Variants in ARHGEF11 observed in about 807,000 individuals in gnomAD.
ARHGEF11 encodes Rho guanine nucleotide exchange factor 11, also known as Rho guanine exchange factor (GEF) 11.
ARHGEF11 carries 55 observed loss-of-function variants against 193.7 expected under a neutral mutation model. The observed-to-expected ratio is 0.28, with a 90% CI of 0.23 to 0.36. The LOEUF (loss-of-function observed/expected upper bound fraction) is 0.36, where lower values mean the gene tolerates loss of function less well. Ranked by LOEUF, ARHGEF11 falls within the 10% of genes least tolerant of loss-of-function variation. The pLI is 1.00. For synonymous variants in ARHGEF11, 693 were observed against 768.0 expected, an observed-to-expected ratio of 0.90 and a Z score of 1.62; for missense variants, 1,723 against 2,005.6, an observed-to-expected ratio of 0.86 and a Z score of 2.69.
At chr1:156,996,662 A>G (rs1481377763) in intron 1 of ARHGEF11, among the ~76,000 whole-genome samples, 1 of 149,774 alleles carries the variant, frequency 6.7e-6, no homozygotes, top group Non-Finnish European at 1.5e-5. Flanking sequence ...AGTCCCAGCT[A>G]CTCGGGAGGC....
chr1:157,023,195 A>C (rs993992132), intron 1 of ARHGEF11, among the ~76,000 whole-genome samples: 6 of 152,250 alleles, frequency 3.9e-5, no homozygotes, highest in African/African-American at 1.2e-4. Context: ...AAAAGTGGAA[A>C]GACAATCCAT....
At chr1:156,971,521 C>A (rs1662480887) in intron 8 of ARHGEF11, among the ~76,000 whole-genome samples, 176 bp downstream of exon 8, 1 of 152,220 alleles carries the variant, frequency 6.6e-6, no homozygotes, top group Non-Finnish European at 1.5e-5. Flanking sequence ...AGTGTCACTA[C>A]AATGCTCAGC....
At chr1:156,970,659 C>T (rs1662371350) in intron 8 of ARHGEF11, among the ~76,000 whole-genome samples, 1 of 152,198 alleles carries the variant, frequency 6.6e-6, no homozygotes, top group South Asian at 2.1e-4. Flanking sequence ...CTCAGACCTT[C>T]AGATTCCAAG....
intron 22 of ARHGEF11, among the ~76,000 whole-genome samples, chr1:156,951,162 C>G (rs1336339491): frequency 6.6e-6 from 1 of 152,224 alleles, no homozygotes; most frequent in Non-Finnish European, 1.5e-5. Context: ...CACATACAGA[C>G]AGGAAACCAC....
chr1:156,954,632 G>A (rs891392238), intron 21 of ARHGEF11, among the ~76,000 whole-genome samples: 2 of 152,212 alleles, frequency 1.3e-5, no homozygotes, highest in African/African-American at 4.8e-5. Context: ...AAGGGGCCTT[G>A]CCCCCTGGAA....
In ARHGEF11 at chr1:156,940,154, C is replaced by T. The variant is rs532547489; in HGVS notation, c.3733+53G>A. 4 of 1,516,566 alleles carry T rather than the reference C, an allele frequency of 2.6e-6. No homozygotes were observed. In the African/African-American group the frequency reaches 5.5e-5, roughly 21 times the overall value. The allele number at this position is 1,516,566 out of a possible 1,614,324, so 93.9% of individuals were successfully genotyped here. On this transcript the variant is annotated intron_variant, in intron 36 of 40. Coordinates refer to ENST00000368194, the MANE Select transcript of ARHGEF11 (RefSeq NM_198236.3). ...GGGTGCAGGCGCCTGCCAGTTCACA[C>T]TGGGTGTGCGACTGGGGACCAGGGG...
intron 11 of ARHGEF11, 78 bp downstream of exon 11, chr1:156,967,909 G>A (rs1410914419): frequency 1.4e-5 from 22 of 1,601,098 alleles, no homozygotes; most frequent in East Asian, 2.2e-5. Flanking sequence ...GATCCAAGAC[G>A]ATGTACTGGT....
Position 156,944,011 on chromosome 1 carries a change from C to T in ARHGEF11, c.3159G>A (p.Val1053=). 1.2e-6 allele frequency: 2 copies of T among 1,614,156 alleles called. No homozygotes were observed. The highest frequency in any genetic ancestry group is 8.5e-7 in the Non-Finnish European group (1 of 1,180,002). Residue 1053 remains valine (V), a synonymous_variant, in exon 32 of 41, where the codon GTG becomes GTA. Coordinates refer to ENST00000368194, the MANE Select transcript of ARHGEF11 (RefSeq NM_198236.3). The part of the protein sequence containing the change: ...LLLKCHSKTA[V]GSSDSKQTFS... Reference sequence around the variant, plus strand: ...AGGTCTGCTTGCTGTCTGAGGAGCCCACAGCAGTCTTGCTGTGGCACTTCA... The same window carrying T: ...AGGTCTGCTTGCTGTCTGAGGAGCCTACAGCAGTCTTGCTGTGGCACTTCA...
Position 156,968,076 on chromosome 1 carries a change from G to A in ARHGEF11, c.874C>T (p.Pro292Ser), listed in dbSNP as rs766838666. ...SVLSDPGLDS[P>S]RTSPVIMARV... The stretch of plus-strand genomic sequence containing the variant: ...GCCATGATCACAGGGGAGGTTCGAG[G>A]ACTGTCTAGCCCAGGGTCTGACAGT... The change falls in exon 11 of 41, where the codon CCT becomes TCT. Residue 292 changes from proline (P) to serine (S), a missense_variant. Pro to Ser is a moderately conservative substitution (Grantham distance 74, BLOSUM62 -1). Transcript: ENST00000368194. 5 of 1,614,210 alleles carry A rather than the reference G, an allele frequency of 3.1e-6. No individual in the cohort carries two copies. Among genetic ancestry groups the A allele is most frequent in the Non-Finnish European group, 4.2e-6 (5 of 1,180,022 alleles).
At chr1:157,038,594 T>C (rs528919549) in intron 1 of ARHGEF11, among the ~76,000 whole-genome samples, 64 of 152,336 alleles carry the variant, frequency 4.2e-4, no homozygotes, top group African/African-American at 1.5e-3. Context: ...CTGTCTTTAC[T>C]AGGTTAAGAG....
intron 1 of ARHGEF11, among the ~76,000 whole-genome samples, chr1:157,026,602 A>C (rs978271741): frequency 6.6e-6 from 1 of 152,230 alleles, no homozygotes; most frequent in Non-Finnish European, 1.5e-5. Flanking sequence ...CAGTGGGGCC[A>C]AGCCAGAGGC....
intron 1 of ARHGEF11, among the ~76,000 whole-genome samples, chr1:157,019,205 G>A (rs1669664263): frequency 1.3e-5 from 2 of 152,092 alleles, no homozygotes; most frequent in South Asian, 4.1e-4. Context: ...ATTTAAACAA[G>A]TTTTAAAAGA....
intron 1 of ARHGEF11, among the ~76,000 whole-genome samples, chr1:156,988,805 A>T (rs920316408): frequency 4.0e-5 from 6 of 151,818 alleles, no homozygotes; most frequent in Admixed American, 6.6e-5. Context: ...TGCAAAAAAA[A>T]TTTTTTTTTC....
At position 156,948,952 on chromosome 1, in the gene ARHGEF11, T is replaced by C. The variant is rs761183673; in HGVS notation, c.1926-454A>G. 1.5e-4 allele frequency: 145 copies of C among 985,308 alleles called. No individual in the cohort carries two copies. The highest frequency in any genetic ancestry group is 1.7e-4 in the Non-Finnish European group (138 of 829,940). The allele number at this position is 985,308 out of a possible 1,614,324, so 61.0% of individuals were successfully genotyped here. On this transcript the variant is annotated intron_variant, in intron 22 of 40. Transcript: ENST00000368194. This position sits in a 1 kb window ranked among gnomAD's most constrained non-coding sequence, Gnocchi z 4.2. ...TTTGGAACGGGTCAGCTCCCACCTT[T>C]AACTCTGCCTGAGGCGAACCTCTTT...
chr1:156,999,740 A>G (rs538542976), intron 1 of ARHGEF11, among the ~76,000 whole-genome samples: 123 of 152,250 alleles, frequency 8.1e-4, no homozygotes, highest in Non-Finnish European at 9.0e-4. Context: ...GATAAAGAAC[A>G]AGCATCTGTC....
At chr1:157,031,414 G>T (rs1266117329) in intron 1 of ARHGEF11, among the ~76,000 whole-genome samples, 2 of 152,142 alleles carry the variant, frequency 1.3e-5, no homozygotes, top group Non-Finnish European at 2.9e-5. Context: ...AGAGAACTAG[G>T]ATTTCTTCTG....
intron 11 of ARHGEF11, among the ~76,000 whole-genome samples, chr1:156,967,689 C>A (rs1351152828): frequency 6.6e-6 from 1 of 152,202 alleles, no homozygotes; most frequent in Non-Finnish European, 1.5e-5. Flanking sequence ...CTGCCTAAAC[C>A]TATTTCCTAT....
chr1:156,948,555 A>T lies in ARHGEF11; in HGVS notation c.1926-57T>A, dbSNP rs1310996936. On this transcript the variant is annotated intron_variant, in intron 22 of 40. Coordinates refer to ENST00000368194, the MANE Select transcript of ARHGEF11 (RefSeq NM_198236.3). The surrounding 1 kb of genome is among the most constrained non-coding windows in gnomAD (Gnocchi z 4.2). ...TGGGAAGTCAGTGGGCCATGCTTAC[A>T]TCCTGGCTAACTCTTACCTGTGGCT... The T allele has an allele frequency of 4.3e-6, 7 of 1,613,778 alleles. No individual in the cohort carries two copies. Among genetic ancestry groups the T allele is most frequent in the Non-Finnish European group, 5.9e-6 (7 of 1,179,984 alleles).
intron 21 of ARHGEF11, among the ~76,000 whole-genome samples, chr1:156,954,009 T>C (rs895197875): frequency 6.6e-6 from 1 of 152,154 alleles, no homozygotes; most frequent in Non-Finnish European, 1.5e-5. Flanking sequence ...AGAAAAACTG[T>C]TGGAGACCCA....
Sources: gnomAD v4.1 joint callset for allele counts (sites outside exome capture counted in the v4.1 genomes callset) on GRCh38, gnomAD v4.1.1 for gene constraint, Gnocchi (gnomAD v3.1) non-coding constraint, MANE v1.5 for transcripts, NCBI Gene and HGNC (gene_info 2026-07-23, HGNC 2026-07-21) for gene names.